CDH13: variants seen among roughly 807,000 people sequenced by gnomAD.
CDH13 encodes the protein cadherin 13.
CDH13 carries 24 observed loss-of-function variants against 63.8 expected under a neutral mutation model. That is an observed-to-expected ratio of 0.38 (90% CI 0.27 to 0.53). The LOEUF is 0.53. CDH13 is among the 20% of genes least tolerant of loss of function. The pLI, the probability that CDH13 is intolerant of heterozygous loss-of-function variation, is 0.85. For synonymous variants in CDH13, 503 were observed against 355.3 expected (o/e 1.42, Z -4.67); for missense variants, 1,049 against 903.1 (o/e 1.16, Z -2.07).
At chr16:83,025,557 C>T (rs183752279) in intron 2 of CDH13, among the ~76,000 whole-genome samples, 4 of 152,286 alleles carry the variant, frequency 2.6e-5, no homozygotes, top group South Asian at 2.1e-4. Flanking sequence ...TACCTCCCAT[C>T]GGCTTCCTCC....
intron 4 of CDH13, among the ~76,000 whole-genome samples, chr16:83,191,977 AAG>A (rs904231519): frequency 6.6e-6 from 1 of 152,098 alleles, no homozygotes; most frequent in Non-Finnish European, 1.5e-5. Flanking sequence ...CAATGATAAA[AAG>A]AGAGAGCAAA....
rs113838809 is a variant in CDH13, at chr16:83,526,649, G to A, written c.960+39994G>A. Among the ~76,000 whole-genome samples, 475 of 152,306 alleles carry A rather than the reference G, an allele frequency of 3.1e-3. 3 individuals are homozygous for A. Among genetic ancestry groups the A allele is most frequent in the African/African-American group, 0.01 (431 of 41,564 alleles). ...CAGACTAGTTCTGGTCCGTGGCCCGGGGGCTGGCGGCTCCTGGCTTAAATG... is the reference window on the plus strand; with the variant it reads ...CAGACTAGTTCTGGTCCGTGGCCCGAGGGCTGGCGGCTCCTGGCTTAAATG... On this transcript the variant is annotated intron_variant, in intron 7 of 13. Coordinates refer to ENST00000567109, the MANE Select transcript of CDH13 (RefSeq NM_001257.5).
chr16:83,173,200 T>C (rs2037994400), intron 4 of CDH13, among the ~76,000 whole-genome samples: 1 of 152,146 alleles, frequency 6.6e-6, no homozygotes, highest in Admixed American at 6.6e-5. Context: ...AGTTATAACT[T>C]GTTCCTGGTC....
At chr16:83,414,475 T>C (rs1437015093) in intron 6 of CDH13, among the ~76,000 whole-genome samples, 1 of 152,206 alleles carries the variant, frequency 6.6e-6, no homozygotes, top group Non-Finnish European at 1.5e-5. Context: ...AAGTGTACAG[T>C]AGTATTGACT....
chr16:83,473,853 G>A (rs1173281783), intron 6 of CDH13, among the ~76,000 whole-genome samples: 1 of 151,914 alleles, frequency 6.6e-6, no homozygotes, highest in Non-Finnish European at 1.5e-5. Flanking sequence ...TACCTCCCTG[G>A]GCCTCAGCTT....
chr16:83,602,107 CAAAAAAAAAAA>C (rs869202510), intron 7 of CDH13, among the ~76,000 whole-genome samples: 3 of 7,960 alleles, frequency 3.8e-4, no homozygotes, highest in African/African-American at 2.4e-3. Flanking sequence ...AGAACAACAA[CAAAAAAAAAAA>C]AAAAAAAAAA....
At chr16:82,800,769 G>C (rs1453487117) in intron 1 of CDH13, among the ~76,000 whole-genome samples, 1 of 152,192 alleles carries the variant, frequency 6.6e-6, no homozygotes, top group East Asian at 1.9e-4. Flanking sequence ...TAGTGATCCT[G>C]TGCTAATTAA....
At chr16:83,791,831 A>G (rs1916289156) in intron 13 of CDH13, among the ~76,000 whole-genome samples, 1 of 137,592 alleles carries the variant, frequency 7.3e-6, no homozygotes, top group South Asian at 2.4e-4. Context: ...AAAAAAAAAA[A>G]GCCAAGATGA....
chr16:82,642,241 A>T (rs1909499248), intron 1 of CDH13, among the ~76,000 whole-genome samples: 1 of 152,204 alleles, frequency 6.6e-6, no homozygotes, highest in Non-Finnish European at 1.5e-5. Flanking sequence ...GTTGACACAC[A>T]ATAGAGTTGC....
chr16:82,750,824 A>G (rs913757592), intron 1 of CDH13, among the ~76,000 whole-genome samples: 1 of 152,024 alleles, frequency 6.6e-6, no homozygotes, highest in Admixed American at 6.5e-5. Flanking sequence ...CTGATTTCCA[A>G]TTTTCTGTTA....
chr16:82,759,135 G>C (rs376301586), intron 1 of CDH13, among the ~76,000 whole-genome samples: 6 of 152,296 alleles, frequency 3.9e-5, no homozygotes, highest in East Asian at 3.9e-4. Context: ...GTGGATAAAT[G>C]GCCCGGCTTC....
intron 1 of CDH13, among the ~76,000 whole-genome samples, chr16:82,638,455 C>A (rs1452331372): frequency 6.6e-6 from 1 of 152,174 alleles, no homozygotes; most frequent in Non-Finnish European, 1.5e-5. Context: ...GCTTGCCCTG[C>A]AGGATTTTTG....
At position 82,703,721 on chromosome 16, in the gene CDH13, A is replaced by G. The variant is rs574380042; in HGVS notation, c.45+76584A>G. Among the ~76,000 whole-genome samples the G allele has an allele frequency of 3.9e-5, 6 of 152,338 alleles. No homozygotes were observed. The South Asian group carries it at 1.0e-3, about 26-fold the overall frequency. On this transcript the variant is annotated intron_variant, in intron 1 of 13. Coordinates refer to ENST00000567109, the MANE Select transcript of CDH13 (RefSeq NM_001257.5). ...TCACAAAAATGAGCTTTTGCTCTTC[A>G]GAAATCACAGCCAATAGATTGTGCC...
At chr16:83,132,440 C>T (rs1365866947) in intron 4 of CDH13, among the ~76,000 whole-genome samples, 2 of 103,830 alleles carry the variant, frequency 1.9e-5, no homozygotes, top group Non-Finnish European at 3.9e-5. Flanking sequence ...CACCCACCCC[C>T]CAACACCCCC....
intron 4 of CDH13, among the ~76,000 whole-genome samples, chr16:83,198,333 A>G (rs1250046245): frequency 6.6e-6 from 1 of 151,870 alleles, no homozygotes; most frequent in Non-Finnish European, 1.5e-5. Context: ...ACACACACAC[A>G]CACACACACA....
intron 8 of CDH13, among the ~76,000 whole-genome samples, chr16:83,612,512 C>T (rs1420943609): frequency 6.6e-6 from 1 of 152,010 alleles, no homozygotes; most frequent in Non-Finnish European, 1.5e-5. Context: ...ACATTTAATG[C>T]AAGTACAACA....
chr16:83,222,581 C>T (rs562955277), intron 5 of CDH13, among the ~76,000 whole-genome samples: 3 of 152,216 alleles, frequency 2.0e-5, no homozygotes, highest in East Asian at 1.9e-4. Context: ...TTGTACTACA[C>T]CTGATTAGAC....
chr16:82,936,626 T>C (rs1397608508), intron 2 of CDH13, among the ~76,000 whole-genome samples: 1 of 152,146 alleles, frequency 6.6e-6, no homozygotes, highest in Non-Finnish European at 1.5e-5. Flanking sequence ...ACTGAGAATT[T>C]GCATTTCTAA....
intron 2 of CDH13, among the ~76,000 whole-genome samples, chr16:82,896,384 T>C (rs913893134): frequency 2.7e-5 from 4 of 148,900 alleles, no homozygotes; most frequent in Admixed American, 6.9e-5. Context: ...CTTGGCCTCC[T>C]GGACTCAAGT....
Sources: allele counts gnomAD v4.1 joint callset (sites outside exome capture counted in the v4.1 genomes callset), GRCh38; gene constraint gnomAD v4.1.1; transcripts MANE v1.5; gene names NCBI Gene and HGNC (gene_info 2026-07-23, HGNC 2026-07-21).